SUSD6: variants seen among roughly 807,000 people sequenced by gnomAD.
SUSD6 encodes sushi domain-containing protein 6.
In SUSD6, 16 loss-of-function variants were observed where a neutral mutation model predicts 28.4. That is an observed-to-expected ratio of 0.56 (90% CI 0.38 to 0.86). SUSD6 has a LOEUF of 0.86. Ranked by LOEUF, SUSD6 falls within the 40% of genes least tolerant of loss-of-function variation. The pLI is 0.00. For synonymous variants in SUSD6, 147 were observed against 159.6 expected (o/e 0.92, Z 0.59); for missense variants, 341 against 384.2 (o/e 0.89, Z 0.94).
intron 1 of SUSD6, among the ~76,000 whole-genome samples, chr14:69,638,423 A>AGTGTGTGTGTGTGTGTGTGTGTGT (rs10637124): frequency 7.2e-6 from 1 of 139,142 alleles, no homozygotes; most frequent in Non-Finnish European, 1.5e-5. Context: ...TGGGGTGGGG[A>AGTGTGTGTGTGTGTGTGTGTGTGT]GTGTGTGTGT....
At chr14:69,628,936 G>C (rs1288825841) in intron 1 of SUSD6, among the ~76,000 whole-genome samples, 1 of 151,786 alleles carries the variant, frequency 6.6e-6, no homozygotes, top group Admixed American at 6.6e-5. Context: ...TGAACTCCTG[G>C]GCTCAAGTGA....
intron 2 of SUSD6, among the ~76,000 whole-genome samples, chr14:69,678,242 G>A (rs1175734712): frequency 6.6e-6 from 1 of 151,066 alleles, no homozygotes; most frequent in African/African-American, 2.4e-5. Flanking sequence ...TTGACATTTG[G>A]CTATGTTAGT....
chr14:69,671,543 G>A (rs1885832458), intron 2 of SUSD6, among the ~76,000 whole-genome samples: 2 of 152,170 alleles, frequency 1.3e-5, no homozygotes, highest in African/African-American at 4.8e-5. Flanking sequence ...GTCCCATGTG[G>A]GTCTTATCTG....
At position 69,714,952 on chromosome 14, in the gene SUSD6, CTG is replaced by C. The variant is rs1319044006; in HGVS notation, c.*3976_*3977del. On this transcript the variant is annotated 3_prime_UTR_variant, in exon 6 of 6. Coordinates refer to ENST00000342745, the MANE Select transcript of SUSD6 (RefSeq NM_014734.4). ...TAAAACAACACATTCATAATTGACT[CTG>C]TGCAGGATGTCACTCAATCAGTTTG... is the stretch of plus-strand genomic sequence containing the variant. 3 of 152,136 alleles carry C rather than the reference CTG, an allele frequency of 2.0e-5. No individual in the cohort carries two copies. Among genetic ancestry groups the C allele is most frequent in the African/African-American group, 7.2e-5 (3 of 41,446 alleles). 9.4% of individuals were successfully genotyped at this position (152,136 alleles called of 1,614,324 possible). A position where few individuals can be genotyped will look rare whatever the true frequency, so the allele number is the denominator to read the frequency against.
intron 1 of SUSD6, among the ~76,000 whole-genome samples, chr14:69,658,096 C>T (rs58053579): frequency 0.028 from 4,231 of 152,320 alleles, 205 homozygotes; most frequent in African/African-American, 0.096. Context: ...TCTCTCTTTA[C>T]GACACGTGTT....
At chr14:69,649,374 C>T (rs1189067839) in intron 1 of SUSD6, among the ~76,000 whole-genome samples, 1 of 152,148 alleles carries the variant, frequency 6.6e-6, no homozygotes, top group Admixed American at 6.5e-5. Flanking sequence ...CCACTCAGCC[C>T]TGATGGGAAC....
intron 1 of SUSD6, among the ~76,000 whole-genome samples, chr14:69,648,364 C>T (rs1476387513): frequency 6.6e-6 from 1 of 152,134 alleles, no homozygotes; most frequent in Non-Finnish European, 1.5e-5. Flanking sequence ...AGGAGAAACA[C>T]AAGTAGAATC....
chr14:69,706,504 G>C (rs185351029), intron 4 of SUSD6, among the ~76,000 whole-genome samples: 1 of 152,180 alleles, frequency 6.6e-6, no homozygotes, highest in East Asian at 1.9e-4. Flanking sequence ...ATGTTGCCCA[G>C]GCTGGAGTGC....
rs566957685 is a variant in SUSD6, at chr14:69,668,631, G to A, written c.121+9918G>A. On this transcript the variant is annotated intron_variant, in intron 2 of 5. Coordinates refer to ENST00000342745, the MANE Select transcript of SUSD6 (RefSeq NM_014734.4). ...GCCTGGGCAATAAGAGCAAGAATTC[G>A]TCTCAAAAAAAAAAAAAGAAAAGGA... is the stretch of plus-strand genomic sequence containing the variant. Among the ~76,000 whole-genome samples the A allele has an allele frequency of 5.9e-4, 39 of 66,602 alleles. 1 individual carries two copies. In the East Asian group the frequency reaches 0.011, roughly 19 times the overall value. The allele number at this position is 66,602 out of a possible 152,430, so 43.7% of individuals were successfully genotyped here.
chr14:69,701,806 A>T (rs1490360518), intron 2 of SUSD6, among the ~76,000 whole-genome samples: 1 of 152,142 alleles, frequency 6.6e-6, no homozygotes, highest in Non-Finnish European at 1.5e-5. Context: ...ATAGCTTTTT[A>T]AAAATGGCAT....
chr14:69,711,141 G>C lies in SUSD6; in HGVS notation c.*162G>C. On this transcript the variant is annotated 3_prime_UTR_variant, in exon 6 of 6. Coordinates refer to ENST00000342745, the MANE Select transcript of SUSD6 (RefSeq NM_014734.4). ...AGGGCCCTATAGGCCCACCTTGCTG[G>C]AAACTCAAGGAAGATTCTCGCCATC... 2 of 652,812 alleles carry C rather than the reference G, an allele frequency of 3.1e-6. No homozygotes were observed. The highest frequency in any genetic ancestry group is 2.7e-6 in the Non-Finnish European group (1 of 372,896). 40.4% of individuals were successfully genotyped at this position (652,812 alleles called of 1,614,324 possible).
intron 2 of SUSD6, among the ~76,000 whole-genome samples, chr14:69,667,944 G>A (rs953617591): frequency 2.0e-5 from 3 of 152,196 alleles, no homozygotes; most frequent in Non-Finnish European, 4.4e-5. Flanking sequence ...CCAGGCCAGT[G>A]ATCATCCCAG....
intron 1 of SUSD6, among the ~76,000 whole-genome samples, chr14:69,638,023 G>T (rs1276240299): frequency 2.6e-5 from 4 of 152,130 alleles, no homozygotes; most frequent in Non-Finnish European, 5.9e-5. Flanking sequence ...CTGTGTTTTT[G>T]TTAACTCTGT....
chr14:69,651,861 T>C (rs917960171), intron 1 of SUSD6, among the ~76,000 whole-genome samples: 3 of 152,144 alleles, frequency 2.0e-5, no homozygotes, highest in African/African-American at 7.2e-5. Context: ...ATTAGTCATT[T>C]CTCTTACTTA....
chr14:69,647,842 G>C (rs948792157), intron 1 of SUSD6, among the ~76,000 whole-genome samples: 3 of 152,050 alleles, frequency 2.0e-5, no homozygotes, highest in African/African-American at 7.2e-5. Context: ...AAAATTAGTC[G>C]GGCTTGGTGG....
At chr14:69,633,488 A>ATACT (rs1394509099) in intron 1 of SUSD6, among the ~76,000 whole-genome samples, 1 of 152,132 alleles carries the variant, frequency 6.6e-6, no homozygotes, top group Non-Finnish European at 1.5e-5. Context: ...TTACACCCTC[A>ATACT]TACTTATTCA....
Position 69,653,747 on chromosome 14 carries a change from C to CTTTTTTTTTTTTT in SUSD6, c.-80-4758_-80-4746dup, listed in dbSNP as rs3048700. ...TAGGGATAATGAATACCTAGTGAAA[C>CTTTTTTTTTTTTT]TTTTTTTTTTTTTTTTTTTTGCTTG... On this transcript the variant is annotated intron_variant, in intron 1 of 5. Transcript: ENST00000342745. 1.5e-3 allele frequency among the ~76,000 whole-genome samples: 140 copies of CTTTTTTTTTTTTT among 93,234 alleles called. 5 individuals are homozygous for CTTTTTTTTTTTTT. Among genetic ancestry groups the CTTTTTTTTTTTTT allele is most frequent in the African/African-American group, 5.1e-3 (125 of 24,430 alleles). The allele number at this position is 93,234 out of a possible 152,430, so 61.2% of individuals were successfully genotyped here.
At chr14:69,656,942 G>A (rs1442809708) in intron 1 of SUSD6, among the ~76,000 whole-genome samples, 2 of 152,176 alleles carry the variant, frequency 1.3e-5, no homozygotes, top group East Asian at 3.8e-4. Flanking sequence ...AGTTTTAAAG[G>A]CTCAAACTGG....
At chr14:69,671,690 G>C (rs1885834974) in intron 2 of SUSD6, among the ~76,000 whole-genome samples, 1 of 152,178 alleles carries the variant, frequency 6.6e-6, no homozygotes, top group Non-Finnish European at 1.5e-5. Context: ...ATCAGGCTGG[G>C]GTAATTGGAG....
Sources: gnomAD v4.1 joint callset for allele counts (sites outside exome capture counted in the v4.1 genomes callset) on GRCh38, gnomAD v4.1.1 for gene constraint, MANE v1.5 for transcripts, NCBI Gene and HGNC (gene_info 2026-07-23, HGNC 2026-07-21) for gene names.